The following ERGIC1 variants were observed in gnomAD, a reference collection of about 807,000 sequenced individuals.
ERGIC1 encodes endoplasmic reticulum-Golgi intermediate compartment protein 1.
In ERGIC1, 19 loss-of-function variants were observed where a neutral mutation model predicts 38.3. The observed-to-expected ratio is 0.50, with a 90% CI of 0.35 to 0.73. ERGIC1 has a LOEUF of 0.73. Ranked by LOEUF, ERGIC1 falls within the 30% of genes least tolerant of loss-of-function variation. ERGIC1 has a pLI of 0.01. For missense variants in ERGIC1, 294 were observed against 389.2 expected (o/e 0.76, Z 2.06); for synonymous variants, 124 against 157.6 (o/e 0.79, Z 1.60).
chr5:172,849,500 C>T (rs931707404), intron 1 of ERGIC1, among the ~76,000 whole-genome samples: 6 of 152,148 alleles, frequency 3.9e-5, no homozygotes, highest in East Asian at 1.9e-4. Context: ...ATCACAAAAG[C>T]GAGTGATGGG....
chr5:172,886,494 C>T (rs73325153), intron 1 of ERGIC1, among the ~76,000 whole-genome samples: 12,651 of 152,212 alleles, frequency 0.083, 1,632 homozygotes, highest in African/African-American at 0.28. Context: ...TTGCCTCTAC[C>T]GCTAAACTAC....
intron 5 of ERGIC1, chr5:172,915,190 G>A: frequency 1.6e-6 from 1 of 614,864 alleles, no homozygotes. Flanking sequence ...TTAGGCTGAG[G>A]GTGTGATGGC....
chr5:172,887,915 G>A (rs549615507), intron 1 of ERGIC1, among the ~76,000 whole-genome samples: 1 of 152,318 alleles, frequency 6.6e-6, no homozygotes, highest in African/African-American at 2.4e-5. Context: ...GGAGGAGGCA[G>A]GAAAGGGAAG....
intron 1 of ERGIC1, among the ~76,000 whole-genome samples, chr5:172,886,254 G>A (rs1762415040): frequency 6.6e-6 from 1 of 152,110 alleles, no homozygotes; most frequent in Non-Finnish European, 1.5e-5. Flanking sequence ...CCGGAGAGAG[G>A]ACAGCGCCCA....
intron 1 of ERGIC1, among the ~76,000 whole-genome samples, chr5:172,839,778 A>G (rs1260348922): frequency 6.6e-6 from 1 of 152,186 alleles, no homozygotes; most frequent in African/African-American, 2.4e-5. Flanking sequence ...CAGTCCTACA[A>G]GGGAGGTGCT....
intron 9 of ERGIC1, 152 bp downstream of exon 9, chr5:172,935,462 C>T: frequency 1.1e-6 from 1 of 931,646 alleles, no homozygotes; most frequent in Non-Finnish European, 1.6e-6. Context: ...GGCTTCGACC[C>T]CAAGGATGCT....
chr5:172,879,133 C>G (rs1017548753), intron 1 of ERGIC1, among the ~76,000 whole-genome samples: 1 of 152,288 alleles, frequency 6.6e-6, no homozygotes, highest in African/African-American at 2.4e-5. Context: ...ATCCGAGATT[C>G]GTCTGCAAGA....
At chr5:172,867,776 T>G (rs146477380) in intron 1 of ERGIC1, 229 of 170,892 alleles carry the variant, frequency 1.3e-3, no homozygotes, top group African/African-American at 4.9e-3. Context: ...AGCAGGGCTA[T>G]TCACAGGAAG....
At chr5:172,899,650 A>G (rs1762821482) in intron 3 of ERGIC1, among the ~76,000 whole-genome samples, 1 of 152,024 alleles carries the variant, frequency 6.6e-6, no homozygotes, top group African/African-American at 2.4e-5. Flanking sequence ...GAGCTCGTGG[A>G]GCCCAGGGCT....
intron 5 of ERGIC1, chr5:172,917,618 C>T (rs1763403571): frequency 6.6e-6 from 1 of 152,042 alleles, no homozygotes; most frequent in Non-Finnish European, 1.5e-5. Flanking sequence ...AACCTGGGGT[C>T]CACAGACACC....
intron 1 of ERGIC1, chr5:172,867,277 C>T (rs1021127784): frequency 4.7e-6 from 2 of 429,620 alleles, no homozygotes; most frequent in Non-Finnish European, 9.5e-6. Flanking sequence ...CCTTTGGGTA[C>T]AGGCGGGGGT....
intron 2 of ERGIC1, among the ~76,000 whole-genome samples, chr5:172,893,893 A>ATGTGTGTGTGTGTGTGTG (rs1454635586): frequency 5.1e-5 from 1 of 19,766 alleles, no homozygotes; most frequent in African/African-American, 1.1e-4. Flanking sequence ...ATATATATAT[A>ATGTGTGTGTGTGTGTGTG]TATATATATA....
chr5:172,871,192 T>C (rs1761998477), intron 1 of ERGIC1, among the ~76,000 whole-genome samples: 1 of 152,214 alleles, frequency 6.6e-6, no homozygotes, highest in Non-Finnish European at 1.5e-5. Flanking sequence ...CTGAGGCTGA[T>C]TGGAGATGGC....
At chr5:172,920,072 C>T (rs1394821839) in intron 5 of ERGIC1, among the ~76,000 whole-genome samples, 1 of 152,206 alleles carries the variant, frequency 6.6e-6, no homozygotes, top group African/African-American at 2.4e-5. Context: ...TCTGAGCTCA[C>T]TGCCTGTGGC....
chr5:172,863,309 A>C (rs1201748172), intron 1 of ERGIC1, among the ~76,000 whole-genome samples: 2 of 152,346 alleles, frequency 1.3e-5, no homozygotes, highest in Non-Finnish European at 2.9e-5. Context: ...ACTAGTACCA[A>C]ATGAGATTTT....
chr5:172,893,905 A>ATATATATATATGTGTGTGTG (rs1173039695), intron 2 of ERGIC1, among the ~76,000 whole-genome samples: 5 of 15,540 alleles, frequency 3.2e-4, no homozygotes, highest in Admixed American at 1.4e-3. Context: ...ATATATATAT[A>ATATATATATATGTGTGTGTG]TGTGTGTGTG....
intron 1 of ERGIC1, chr5:172,867,422 T>C: frequency 2.5e-6 from 1 of 394,882 alleles, no homozygotes; most frequent in Non-Finnish European, 5.2e-6. Context: ...GCCCGTAACT[T>C]TTCCCTGTCC....
intron 1 of ERGIC1, among the ~76,000 whole-genome samples, chr5:172,881,992 C>T (rs901127324): frequency 3.3e-5 from 5 of 151,910 alleles, no homozygotes; most frequent in African/African-American, 7.3e-5. Context: ...CCAGGGAGGA[C>T]GGCTCACTTC....
intron 5 of ERGIC1, chr5:172,917,736 G>A (rs926080208): frequency 6.6e-6 from 1 of 152,144 alleles, no homozygotes; most frequent in Non-Finnish European, 1.5e-5. Flanking sequence ...TTCCATCTGC[G>A]ATGAATGTAG....
Sources: gnomAD v4.1 joint callset for allele counts (sites outside exome capture counted in the v4.1 genomes callset) on GRCh38, gnomAD v4.1.1 for gene constraint, MANE v1.5 for transcripts, NCBI Gene and HGNC (gene_info 2026-07-23, HGNC 2026-07-21) for gene names.